KIF27: variants seen among roughly 807,000 people sequenced by gnomAD.
The protein encoded by KIF27 is kinesin family member 27.
In KIF27, 84 loss-of-function variants were observed where a neutral mutation model predicts 141.8. The ratio of observed to expected loss-of-function variants is 0.59; its 90% CI spans 0.50 to 0.71. The LOEUF (loss-of-function observed/expected upper bound fraction) is 0.71. Ranked by LOEUF, KIF27 falls within the 30% of genes least tolerant of loss-of-function variation. The probability of loss-of-function intolerance (pLI) is 0.00; values close to 1 mark genes in which losing one functional copy is unlikely to be tolerated. For missense variants in KIF27, 1,306 were observed against 1,628.4 expected, an observed-to-expected ratio of 0.80 and a Z score of 3.41; for synonymous variants, 471 against 569.5, an observed-to-expected ratio of 0.83 and a Z score of 2.46.
Position 83,889,271 on chromosome 9 carries a change from C to T in KIF27, c.1810-18G>A, listed in dbSNP as rs2990931. On this transcript the variant is annotated intron_variant, in intron 6 of 17. Transcript: ENST00000297814. ...GTGTGGACCTTGCAAGTGATTCCCCCACCCAACAACAAAAAAAGTGATATT... is the reference window on the plus strand; with the variant it reads ...GTGTGGACCTTGCAAGTGATTCCCCTACCCAACAACAAAAAAAGTGATATT... The T allele has an allele frequency of 6.8e-5, 106 of 1,562,994 alleles. No homozygotes were observed. The highest frequency in any genetic ancestry group is 8.4e-5 in the South Asian group (7 of 82,890).
chr9:83,898,705 C>G (rs976265392), intron 5 of KIF27: 1 of 152,112 alleles, frequency 6.6e-6, no homozygotes, highest in Non-Finnish European at 1.5e-5. Flanking sequence ...TAATCAATCT[C>G]AGCACTTTGG....
intron 9 of KIF27, among the ~76,000 whole-genome samples, chr9:83,886,093 T>C (rs1278625901): frequency 2.0e-5 from 3 of 152,162 alleles, no homozygotes; most frequent in Non-Finnish European, 4.4e-5. Context: ...TTGGCCATGC[T>C]GCTTCCCCAC....
chr9:83,837,604 T>G (rs1338566448), intron 17 of KIF27, 119 bp from the exon 18 acceptor site: 34 of 994,196 alleles, frequency 3.4e-5, no homozygotes, highest in Non-Finnish European at 4.7e-5. Flanking sequence ...GTTTTTCAAC[T>G]TTTTTGTTAA....
intron 16 of KIF27, among the ~76,000 whole-genome samples, chr9:83,842,622 C>T (rs1230458210): frequency 6.6e-6 from 1 of 152,074 alleles, no homozygotes; most frequent in Non-Finnish European, 1.5e-5. Flanking sequence ...CCTGGCACCA[C>T]GCCCGGCTAA....
At chr9:83,837,596 T>C in intron 17 of KIF27, 111 bp from the exon 18 acceptor site, 1 of 1,068,474 alleles carries the variant, frequency 9.4e-7, no homozygotes, top group East Asian at 2.6e-5. Flanking sequence ...TGCATAATGT[T>C]TTTCAACTTT....
At chr9:83,920,549 G>A (rs984972439) in intron 1 of KIF27, among the ~76,000 whole-genome samples, 10 of 152,144 alleles carry the variant, frequency 6.6e-5, no homozygotes, top group Admixed American at 5.9e-4. Flanking sequence ...CCAGAAAGCA[G>A]TGGTTGTCTT....
intron 5 of KIF27, among the ~76,000 whole-genome samples, chr9:83,897,528 G>GA (rs560911472): frequency 2.0e-5 from 3 of 152,166 alleles, no homozygotes; most frequent in African/African-American, 7.2e-5. Context: ...AGATAATATA[G>GA]AAAGTATCCT....
At chr9:83,846,410 A>G (rs915701868) in intron 16 of KIF27, among the ~76,000 whole-genome samples, 2 of 152,200 alleles carry the variant, frequency 1.3e-5, no homozygotes, top group East Asian at 3.9e-4. Context: ...TTATGGCTAA[A>G]GAAGTGTGGC....
Position 83,908,620 on chromosome 9 carries a change from G to C in KIF27, c.331C>G (p.Pro111Ala). Reference protein sequence around the residue: ...SVVEGQKGIIPRAIQEIFQSI... With the variant: ...SVVEGQKGIIARAIQEIFQSI... ...TGAAATATTTCTTGAATAGCTCGAG[G>C]AATGATACCCTTTTGGCCCTCCACA... The change falls in exon 3 of 18, where the codon CCT (proline) becomes GCT (alanine). Residue 111 changes from proline to alanine, a missense_variant. Physicochemically the swap from Pro to Ala is conservative, Grantham distance 27. Transcript: ENST00000297814. 2 of 1,611,250 alleles carry C rather than the reference G, an allele frequency of 1.2e-6. No homozygotes were observed. The highest frequency in any genetic ancestry group is 1.7e-6 in the Non-Finnish European group (2 of 1,178,392).
chr9:83,846,648 C>T (rs1332623958), intron 16 of KIF27, among the ~76,000 whole-genome samples: 4 of 152,066 alleles, frequency 2.6e-5, no homozygotes, highest in African/African-American at 9.7e-5. Context: ...CCAGGATTCA[C>T]GAGTCCAGGG....
intron 11 of KIF27, among the ~76,000 whole-genome samples, chr9:83,873,286 A>G (rs530195077): frequency 6.6e-6 from 1 of 152,330 alleles, no homozygotes; most frequent in East Asian, 1.9e-4. Context: ...ACTCCAAGGC[A>G]TAGGATAAAA....
rs1448128443 is a variant in KIF27 at position 83,915,495 on chromosome 9, T to C, written c.97A>G (p.Asn33Asp). Residue 33 changes from asparagine (N) to aspartate (D), a missense_variant, in exon 2 of 18, where the codon AAC becomes GAC. Physicochemically the swap from Asn to Asp is conservative, Grantham distance 23 (BLOSUM62 1). Around this residue, in one of 4 missense-constraint regions of KIF27, gnomAD observed 533 missense variants for 565.6 expected, o/e 0.94. Coordinates refer to ENST00000297814, the MANE Select transcript of KIF27 (RefSeq NM_017576.4). ...NHQVCVRVIPNSQQVIIGRDR... is the reference protein window; with the variant it reads ...NHQVCVRVIPDSQQVIIGRDR... ...CTCCCAATGATAACTTGCTGGCTGTTTGGAATAACTCTCACACAAACTTGA... is the reference window on the plus strand; with the variant it reads ...CTCCCAATGATAACTTGCTGGCTGTCTGGAATAACTCTCACACAAACTTGA... 3 of 1,613,914 alleles carry C rather than the reference T, an allele frequency of 1.9e-6. No individual in the cohort carries two copies. In the East Asian group the frequency reaches 6.7e-5, roughly 36 times the overall value.
intron 4 of KIF27, among the ~76,000 whole-genome samples, chr9:83,901,371 G>T (rs890921653): frequency 6.6e-6 from 1 of 152,148 alleles, no homozygotes; most frequent in East Asian, 1.9e-4. Flanking sequence ...TAGGAAAGAA[G>T]AACATCCACA....
intron 16 of KIF27, among the ~76,000 whole-genome samples, chr9:83,844,661 G>A (rs7030386): frequency 1.3e-5 from 2 of 152,324 alleles, no homozygotes; most frequent in East Asian, 1.9e-4. Flanking sequence ...TAGTGACTCT[G>A]TGTAATAAAT....
At chr9:83,889,000 C>T in intron 7 of KIF27, 84 bp downstream of exon 7, 1 of 1,443,330 alleles carries the variant, frequency 6.9e-7, no homozygotes, top group Non-Finnish European at 9.2e-7. Context: ...AAAAGATATA[C>T]TCCAATGGAA....
Position 83,863,873 on chromosome 9 carries a change from A to C in KIF27, c.2934+3811T>G, listed in dbSNP as rs542802008. 4 of 152,260 alleles carry C rather than the reference A, an allele frequency of 2.6e-5. No individual in the cohort carries two copies. The East Asian group carries it at 5.8e-4, about 22-fold the overall frequency. 9.4% of individuals were successfully genotyped at this position (152,260 alleles called of 1,614,324 possible). A position where few individuals can be genotyped will look rare whatever the true frequency, so the allele number is the denominator to read the frequency against. ...TTCAGAGCCTGTCATTGGTCTATTC[A>C]GAGATTCAACTTCCTCCTGGTTTAG... On this transcript the variant is annotated intron_variant, in intron 13 of 17. Transcript: ENST00000297814.
At position 83,910,130 on chromosome 9, in the gene KIF27, A is replaced by C. The variant is rs371138527; in HGVS notation, c.299-1478T>G. On this transcript the variant is annotated intron_variant, in intron 2 of 17. Transcript: ENST00000297814. The stretch of plus-strand genomic sequence containing the variant: ...AATCTTTCCCAATTCACTGTTCATT[A>C]AATACTAGATCCAGAGAGGTGGCCC... Among the ~76,000 whole-genome samples, 6 of 152,190 alleles carry C rather than the reference A, an allele frequency of 3.9e-5. No homozygotes were observed. The East Asian group carries it at 1.2e-3, about 29-fold the overall frequency.
Position 83,887,122 on chromosome 9 carries a change from T to G in KIF27, c.2158A>C (p.Thr720Pro), listed in dbSNP as rs541364399. The change falls in exon 9 of 18, where the codon ACT becomes CCT. Residue 720 changes from threonine (T) to proline (P), a missense_variant. This residue lies in a region of KIF27 where 596 missense variants were observed against 751.6 expected (regional missense o/e 0.79). Transcript: ENST00000297814. Reference protein sequence around the residue: ...QKLKNSERILTEAKQKMRELT... With the variant: ...QKLKNSERILPEAKQKMRELT... ...TCTCTCATTTTTTGTTTAGCTTCAG[T>G]AAGTATGCGTTCTGAATTCTTTAAT... 9 of 1,604,792 alleles carry G rather than the reference T, an allele frequency of 5.6e-6. 1 individual carries two copies. The African/African-American group carries it at 1.2e-4, about 22-fold the overall frequency.
intron 14 of KIF27, among the ~76,000 whole-genome samples, chr9:83,858,136 T>C (rs1325850760): frequency 6.6e-6 from 1 of 152,156 alleles, no homozygotes; most frequent in East Asian, 1.9e-4. Flanking sequence ...CCTGGCTCTC[T>C]GTTCCTCTGC....
Sources: gnomAD v4.1 joint callset for allele counts (sites outside exome capture counted in the v4.1 genomes callset) on GRCh38, gnomAD v4.1.1 for gene constraint, gnomAD v4.1.1 regional missense constraint, MANE v1.5 for transcripts, NCBI Gene and HGNC (gene_info 2026-07-23, HGNC 2026-07-21) for gene names.